Variants in PSMB7 observed in about 807,000 individuals in gnomAD.
PSMB7 encodes the protein proteasome 20S subunit beta 7.
A neutral mutation model predicts 28.1 loss-of-function variants in PSMB7; 5 were observed. That is an observed-to-expected ratio of 0.18 (90% CI 0.09 to 0.37). PSMB7 has a LOEUF of 0.37. PSMB7 is among the 10% of genes least tolerant of loss of function. PSMB7 has a pLI of 1.00. For synonymous variants in PSMB7, 122 were observed against 123.7 expected (o/e 0.99, Z 0.09); for missense variants, 275 against 346.2 (o/e 0.79, Z 1.63).
At chr9:124,379,501 G>A (rs1259353371) in intron 6 of PSMB7, among the ~76,000 whole-genome samples, 1 of 152,190 alleles carries the variant, frequency 6.6e-6, no homozygotes, top group African/African-American at 2.4e-5. Flanking sequence ...CCAAAACTGG[G>A]TGAGACTTTT....
chr9:124,393,608 A>T (rs768234722), intron 5 of PSMB7, among the ~76,000 whole-genome samples: 5 of 152,246 alleles, frequency 3.3e-5, no homozygotes, highest in Non-Finnish European at 5.9e-5. Flanking sequence ...CCTTTTCTAA[A>T]TGTAATATAG....
chr9:124,394,977 G>C (rs1244244236), intron 5 of PSMB7, among the ~76,000 whole-genome samples: 1 of 152,066 alleles, frequency 6.6e-6, no homozygotes, highest in Non-Finnish European at 1.5e-5. Context: ...ATCAAAGCAG[G>C]AAAAAGTGCC....
chr9:124,383,402 C>T (rs1294933726), intron 6 of PSMB7, among the ~76,000 whole-genome samples: 2 of 152,168 alleles, frequency 1.3e-5, no homozygotes, highest in African/African-American at 4.8e-5. Context: ...GTGACCAAGT[C>T]ACTTATGTGA....
chr9:124,384,713 C>G (rs541342917), intron 5 of PSMB7, 57 bp from the exon 6 acceptor site: 169 of 1,551,160 alleles, frequency 1.1e-4, no homozygotes, highest in Non-Finnish European at 1.3e-4. Flanking sequence ...TTATCCATCT[C>G]AAGTTTACCT....
rs1003478956 is a variant in PSMB7 at position 124,400,147 on chromosome 9, T to C, written c.511+5170A>G. Among the ~76,000 whole-genome samples the C allele has an allele frequency of 2.0e-5, 3 of 152,140 alleles. No individual in the cohort carries two copies. The South Asian group carries it at 6.2e-4, about 32-fold the overall frequency. On this transcript the variant is annotated intron_variant, in intron 5 of 7. Coordinates refer to ENST00000259457, the MANE Select transcript of PSMB7 (RefSeq NM_002799.4). Reference sequence around the variant, plus strand: ...CCTGCCGCACCCATGCAGCAAACTCTGGCCTTTCAGTGCTTAACCACACGG... The same window carrying C: ...CCTGCCGCACCCATGCAGCAAACTCCGGCCTTTCAGTGCTTAACCACACGG...
At chr9:124,407,254 C>G (rs1424409752) in intron 4 of PSMB7, among the ~76,000 whole-genome samples, 1 of 152,216 alleles carries the variant, frequency 6.6e-6, no homozygotes, top group African/African-American at 2.4e-5. Context: ...CAGAAGTGCT[C>G]TAAGTAAACA....
chr9:124,413,047 G>A (rs916074075), intron 3 of PSMB7, among the ~76,000 whole-genome samples: 1 of 151,020 alleles, frequency 6.6e-6, no homozygotes, highest in Non-Finnish European at 1.5e-5. Flanking sequence ...TGGGCATGAT[G>A]GCTCATGCCT....
intron 5 of PSMB7, among the ~76,000 whole-genome samples, chr9:124,388,687 G>A (rs766085565): frequency 1.3e-5 from 2 of 152,040 alleles, no homozygotes; most frequent in Non-Finnish European, 2.9e-5. Context: ...TACCTCCTTC[G>A]GCTCCCTCCC....
At chr9:124,413,833 G>A in intron 3 of PSMB7, 75 bp downstream of exon 3, 1 of 996,496 alleles carries the variant, frequency 1.0e-6, no homozygotes, top group Non-Finnish European at 1.5e-6. Context: ...GTTTTAGTAA[G>A]GAGCACAGGA....
intron 5 of PSMB7, among the ~76,000 whole-genome samples, chr9:124,390,087 C>G (rs751551202): frequency 6.6e-6 from 1 of 152,054 alleles, no homozygotes; most frequent in Middle Eastern, 3.2e-3. Context: ...AAGGTAGAGG[C>G]CTATATACAT....
Position 124,405,373 on chromosome 9 carries a change from T to C in PSMB7, c.455A>G (p.His152Arg). 6.2e-7 allele frequency: 1 copy of C among 1,613,868 alleles called. No individual in the cohort carries two copies. Among genetic ancestry groups the C allele is most frequent in the South Asian group, 1.1e-5 (1 of 91,070 alleles). Residue 152 changes from histidine to arginine, a missense_variant, in exon 5 of 8, where the codon CAC (histidine) becomes CGC (arginine). His to Arg is a conservative substitution (Grantham distance 29, BLOSUM62 0). Around this residue, in one of 2 missense-constraint regions of PSMB7, gnomAD observed 213 missense variants for 302.4 expected, o/e 0.70. Coordinates refer to ENST00000259457, the MANE Select transcript of PSMB7 (RefSeq NM_002799.4). ...VLGGVDVTGPHLYSIYPHGST... is the reference protein window; with the variant it reads ...VLGGVDVTGPRLYSIYPHGST... ...TCCATGAGGATAGATGCTGTAGAGG[T>C]GAGGTCCAGTAACATCTACTCCCCC...
intron 6 of PSMB7, among the ~76,000 whole-genome samples, chr9:124,357,638 C>T (rs1018969515): frequency 6.6e-6 from 1 of 152,208 alleles, no homozygotes; most frequent in African/African-American, 2.4e-5. Context: ...AAATCCCCAT[C>T]CCTAATAGTT....
intron 6 of PSMB7, among the ~76,000 whole-genome samples, chr9:124,358,399 CACGTG>C (rs1381287579): frequency 6.6e-6 from 1 of 152,188 alleles, no homozygotes; most frequent in Admixed American, 6.5e-5. Flanking sequence ...TTTTCACTCT[CACGTG>C]ACATCTATGT....
At chr9:124,413,547 C>T (rs983629128) in intron 3 of PSMB7, among the ~76,000 whole-genome samples, 3 of 151,314 alleles carry the variant, frequency 2.0e-5, no homozygotes, top group Non-Finnish European at 4.4e-5. Flanking sequence ...TAAGAGAGGC[C>T]AATTAAATGG....
chr9:124,413,927 A>G lies in PSMB7; in HGVS notation c.235T>C (p.Phe79Leu). The change falls in exon 3 of 8, where the codon TTC (phenylalanine) becomes CTC (leucine). Residue 79 changes from phenylalanine to leucine, a missense_variant. Around this residue, in one of 2 missense-constraint regions of PSMB7, gnomAD observed 213 missense variants for 302.4 expected, o/e 0.70. Transcript: ENST00000259457. ...ACTTACTAAATATTAGGAGATATGA[A>G]GTGTATTTTTGAACAGTTCTTGTCA... ...VADKNCSKIH[F>L]ISPNIYCCGA... is the part of the protein sequence containing the mutation. 1 of 1,607,596 alleles carries G rather than the reference A, an allele frequency of 6.2e-7. No homozygotes were observed. Among genetic ancestry groups the G allele is most frequent in the South Asian group, 1.1e-5 (1 of 90,790 alleles).
intron 5 of PSMB7, among the ~76,000 whole-genome samples, chr9:124,391,825 T>A (rs1050094206): frequency 7.0e-6 from 1 of 143,276 alleles, no homozygotes; most frequent in Non-Finnish European, 1.6e-5. Flanking sequence ...GTTCTGTACA[T>A]TTAAATGTGT....
intron 7 of PSMB7, among the ~76,000 whole-genome samples, chr9:124,354,510 C>T (rs1830377752): frequency 6.6e-6 from 1 of 152,172 alleles, no homozygotes; most frequent in African/African-American, 2.4e-5. Flanking sequence ...TGTGCCATGG[C>T]CTTGTGCTCC....
intron 5 of PSMB7, among the ~76,000 whole-genome samples, chr9:124,386,985 G>A (rs192030473): frequency 4.9e-4 from 74 of 152,226 alleles, no homozygotes; most frequent in African/African-American, 1.5e-3. Context: ...GGTGGCTCAC[G>A]CCTGTAATCC....
rs1268962057 is a variant in PSMB7 at position 124,412,279 on chromosome 9, G to C, written c.395+73C>G. 2.1e-6 allele frequency: 3 copies of C among 1,437,742 alleles called. No individual in the cohort carries two copies. In the Admixed American group the frequency reaches 5.9e-5, roughly 28 times the overall value. 89.1% of individuals were successfully genotyped at this position (1,437,742 alleles called of 1,614,324 possible). On this transcript the variant is annotated intron_variant, in intron 4 of 7. Transcript: ENST00000259457. ...TGAATGTGTTTTTGCTACTTTCCAG[G>C]CTTCTCTTGGCTGAAAAAAATCTAA... is the stretch of plus-strand genomic sequence containing the variant.
Sources: gnomAD v4.1 joint callset for allele counts (sites outside exome capture counted in the v4.1 genomes callset) on GRCh38, gnomAD v4.1.1 for gene constraint, gnomAD v4.1.1 regional missense constraint, MANE v1.5 for transcripts, NCBI Gene and HGNC (gene_info 2026-07-23, HGNC 2026-07-21) for gene names.